Variants in FMN1 observed in about 807,000 individuals in gnomAD.
The protein encoded by FMN1 is formin 1.
In FMN1, 110 loss-of-function variants were observed where a neutral mutation model predicts 132.4. That is an observed-to-expected ratio of 0.83 (90% CI 0.71 to 0.97). The LOEUF (loss-of-function observed/expected upper bound fraction) is 0.97, where lower values mean the gene tolerates loss of function less well. Among genes scored for constraint, FMN1 ranks in the 50% least tolerant of loss-of-function variants. The probability of loss-of-function intolerance (pLI) is 0.00; values close to 1 mark genes in which losing one functional copy is unlikely to be tolerated. For synonymous variants in FMN1, 722 were observed against 651.7 expected, an observed-to-expected ratio of 1.11 and a Z score of -1.64; for missense variants, 1,792 against 1,705.3, an observed-to-expected ratio of 1.05 and a Z score of -0.90.
intron 4 of FMN1, among the ~76,000 whole-genome samples, chr15:33,143,052 G>C (rs912186579): frequency 6.6e-6 from 1 of 152,168 alleles, no homozygotes; most frequent in Non-Finnish European, 1.5e-5. Flanking sequence ...ATGTAAAGCT[G>C]TCTGTTCTGG....
chr15:33,075,020 C>CAAAAAAAAAAAAAAAAAAAAAAAAAAAA lies in FMN1; in HGVS notation c.2044-9947_2044-9946insTTTTTTTTTTTTTTTTTTTTTTTTTTTT. ...TGGGCAACTGAGCAAGATTCCATCT[C>CAAAAAAAAAAAAAAAAAAAAAAAAAAAA]AAAAAAAAAAAAAAAAAAAAAAAAA... On this transcript the variant is annotated intron_variant, in intron 5 of 20. Transcript: ENST00000616417. Among the ~76,000 whole-genome samples, 2 of 61,662 alleles carry CAAAAAAAAAAAAAAAAAAAAAAAAAAAA rather than the reference C, an allele frequency of 3.2e-5. 1 individual carries two copies. Among genetic ancestry groups the CAAAAAAAAAAAAAAAAAAAAAAAAAAAA allele is most frequent in the Non-Finnish European group, 5.7e-5 (2 of 35,308 alleles). 40.5% of individuals were successfully genotyped at this position (61,662 alleles called of 152,430 possible).
rs2059383313 is a variant in FMN1 at position 32,865,968 on chromosome 15, ATT to A, written c.3836-8863_3836-8862del. 3.3e-5 allele frequency among the ~76,000 whole-genome samples: 5 copies of A among 152,246 alleles called. No individual in the cohort carries two copies. The South Asian group carries it at 1.0e-3, about 32-fold the overall frequency. ...AAAATTAAAACAATAGCTTTCGCAC[ATT>A]CTTAATTGTGGCATACAGCTATGTA... On this transcript the variant is annotated intron_variant, in intron 16 of 20. Coordinates refer to ENST00000616417, the MANE Select transcript of FMN1 (RefSeq NM_001277313.2).
At chr15:33,085,125 GTAAGCTAT>G (rs1214398516) in intron 5 of FMN1, among the ~76,000 whole-genome samples, 1 of 151,996 alleles carries the variant, frequency 6.6e-6, no homozygotes, top group Non-Finnish European at 1.5e-5. Context: ...TTTGATTTCT[GTAAGCTAT>G]TGGGAAACAG....
chr15:32,894,194 A>G (rs561206415), intron 15 of FMN1, among the ~76,000 whole-genome samples: 1 of 152,206 alleles, frequency 6.6e-6, no homozygotes, highest in African/African-American at 2.4e-5. Context: ...GCAGTAAAAA[A>G]GAGACAATGG....
At chr15:32,875,884 T>C (rs75007698) in intron 16 of FMN1, among the ~76,000 whole-genome samples, 3,850 of 152,294 alleles carry the variant, frequency 0.025, 160 homozygotes, top group African/African-American at 0.087. Context: ...GCTTGGGCGC[T>C]GGCTTGGCAG....
In FMN1 at chr15:32,771,261, G is replaced by GTAGA. The variant is rs2056231217; in HGVS notation, c.*3045_*3048dup. 6.6e-6 allele frequency: 1 copy of GTAGA among 151,584 alleles called. No individual in the cohort carries two copies. Among genetic ancestry groups the GTAGA allele is most frequent in the South Asian group, 2.1e-4 (1 of 4,816 alleles). 9.4% of individuals were successfully genotyped at this position (151,584 alleles called of 1,614,324 possible). A position where few individuals can be genotyped will look rare whatever the true frequency, so the allele number is the denominator to read the frequency against. Reference sequence around the variant, plus strand: ...GCCCGGCTAATTTTTTGTATTTTTAGTAGAGATGGGGTTTCACCGTGTTAG... The same window carrying GTAGA: ...GCCCGGCTAATTTTTTGTATTTTTAGTAGATAGAGATGGGGTTTCACCGTGTTAG... On this transcript the variant is annotated 3_prime_UTR_variant, in exon 21 of 21. Transcript: ENST00000616417.
At chr15:33,122,901 T>A (rs563680010) in intron 4 of FMN1, among the ~76,000 whole-genome samples, 5 of 152,274 alleles carry the variant, frequency 3.3e-5, no homozygotes, top group African/African-American at 1.2e-4. Context: ...CCAACATCTA[T>A]GCAGCATGTA....
intron 7 of FMN1, among the ~76,000 whole-genome samples, chr15:33,005,302 A>G: frequency 6.6e-6 from 1 of 152,148 alleles, no homozygotes; most frequent in Non-Finnish European, 1.5e-5. Flanking sequence ...AACATCATAA[A>G]TGTGGGGCAA....
chr15:33,010,188 G>A (rs865874996), intron 6 of FMN1, among the ~76,000 whole-genome samples: 2 of 152,136 alleles, frequency 1.3e-5, no homozygotes, highest in African/African-American at 2.4e-5. Context: ...ACTATGCAGA[G>A]TGAAAGAAGT....
At chr15:33,103,549 C>T (rs1382509246) in intron 4 of FMN1, among the ~76,000 whole-genome samples, 5 of 152,074 alleles carry the variant, frequency 3.3e-5, no homozygotes, top group East Asian at 1.9e-4. Flanking sequence ...GATTCACTTT[C>T]GAGTTCCAAT....
chr15:32,813,795 T>C (rs1595986855), intron 17 of FMN1, among the ~76,000 whole-genome samples: 1 of 152,200 alleles, frequency 6.6e-6, no homozygotes. Flanking sequence ...AAGCGACTAT[T>C]TGGATTACAC....
intron 8 of FMN1, among the ~76,000 whole-genome samples, chr15:32,967,967 C>T (rs141746866): frequency 0.013 from 2,011 of 152,304 alleles, 16 homozygotes; most frequent in Middle Eastern, 0.041. Flanking sequence ...CTTCCAGGCT[C>T]AGAAATAAGG....
chr15:32,788,242 C>T (rs74011975), intron 19 of FMN1, among the ~76,000 whole-genome samples: 6 of 152,166 alleles, frequency 3.9e-5, no homozygotes, highest in Non-Finnish European at 8.8e-5. Flanking sequence ...GCCGACCCGG[C>T]GATTTAGGTG....
At chr15:32,872,221 A>C (rs1247247409) in intron 16 of FMN1, among the ~76,000 whole-genome samples, 1 of 152,238 alleles carries the variant, frequency 6.6e-6, no homozygotes, top group African/African-American at 2.4e-5. Flanking sequence ...TTAAATGCTC[A>C]GACTTTCCAA....
chr15:32,908,646 G>A, intron 11 of FMN1, 68 bp from the exon 12 acceptor site: 2 of 963,690 alleles, frequency 2.1e-6, no homozygotes, highest in South Asian at 1.5e-5. Context: ...TCTGGCTATG[G>A]CAGTGGGTCT....
At chr15:33,161,117 G>A (rs1004076658) in intron 3 of FMN1, among the ~76,000 whole-genome samples, 1 of 152,236 alleles carries the variant, frequency 6.6e-6, no homozygotes. Context: ...CATTGGCACA[G>A]TCTTTCCCTG....
intron 17 of FMN1, among the ~76,000 whole-genome samples, chr15:32,839,512 C>A (rs1335864503): frequency 6.6e-6 from 1 of 152,096 alleles, no homozygotes; most frequent in African/African-American, 2.4e-5. Context: ...GGGCACTTTA[C>A]ATGTGAAGAG....
chr15:33,137,002 C>T (rs540411502), intron 4 of FMN1, among the ~76,000 whole-genome samples: 21 of 144,008 alleles, frequency 1.5e-4, no homozygotes, highest in East Asian at 6.6e-4. Flanking sequence ...GCAGAAGAAT[C>T]GCTTGAACCC....
At position 32,798,216 on chromosome 15, in the gene FMN1, A is replaced by ACCCC. The variant is rs1159889872; in HGVS notation, c.4130+584_4130+587dup. Among the ~76,000 whole-genome samples, 492 of 140,980 alleles carry ACCCC rather than the reference A, an allele frequency of 3.5e-3. 14 individuals are homozygous for ACCCC. Among genetic ancestry groups the ACCCC allele is most frequent in the African/African-American group, 0.012 (469 of 38,550 alleles). The allele number at this position is 140,980 out of a possible 152,430, so 92.5% of individuals were successfully genotyped here. ...CACACACACACACACACACACACAC[A>ACCCC]CCCCGTCTATATTCAGAGTTGAGGT... On this transcript the variant is annotated intron_variant, in intron 19 of 20. Coordinates refer to ENST00000616417, the MANE Select transcript of FMN1 (RefSeq NM_001277313.2).
Sources: gnomAD v4.1 joint callset for allele counts (sites outside exome capture counted in the v4.1 genomes callset) on GRCh38, gnomAD v4.1.1 for gene constraint, MANE v1.5 for transcripts, NCBI Gene and HGNC (gene_info 2026-07-23, HGNC 2026-07-21) for gene names.